The following NAALADL2 variants were observed in gnomAD, a reference collection of about 807,000 sequenced individuals.
NAALADL2 encodes the protein N-acetylated alpha-linked acidic dipeptidase like 2.
Under a neutral mutation model 87.2 loss-of-function variants are expected in NAALADL2, and 76 were observed. That is an observed-to-expected ratio of 0.87 (90% CI 0.72 to 1.05). NAALADL2 has a LOEUF of 1.05. NAALADL2 is among the 50% of genes least tolerant of loss of function. The pLI, the probability that NAALADL2 is intolerant of heterozygous loss-of-function variation, is 0.00. For missense variants in NAALADL2, 1,089 were observed against 945.8 expected (o/e 1.15, Z -1.99); for synonymous variants, 354 against 331.0 (o/e 1.07, Z -0.75).
At chr3:174,688,772 T>C (rs1728282748) in intron 2 of NAALADL2, among the ~76,000 whole-genome samples, 1 of 152,110 alleles carries the variant, frequency 6.6e-6, no homozygotes, top group Non-Finnish European at 1.5e-5. Flanking sequence ...ACTTATTATA[T>C]AAAGTCTTCT....
chr3:174,714,990 G>A (rs191737003), intron 2 of NAALADL2, among the ~76,000 whole-genome samples: 43 of 152,254 alleles, frequency 2.8e-4, no homozygotes, highest in Non-Finnish European at 5.0e-4. Flanking sequence ...CTAATTTATG[G>A]AGAGTTTTTA....
At chr3:175,624,481 T>C (rs1405921722) in intron 10 of NAALADL2, among the ~76,000 whole-genome samples, 1 of 152,078 alleles carries the variant, frequency 6.6e-6, no homozygotes, top group Non-Finnish European at 1.5e-5. Context: ...AAAATATTAA[T>C]TAAAGGCATT....
At position 175,323,029 on chromosome 3, in the gene NAALADL2, A is replaced by G. The variant is rs903499129; in HGVS notation, c.940-1146A>G. Among the ~76,000 whole-genome samples the G allele has an allele frequency of 4.6e-3, 692 of 150,862 alleles. 1 individual carries two copies. Among genetic ancestry groups the G allele is most frequent in the Middle Eastern group, 0.045 (13 of 292 alleles). ...CTATAAATCATGCTGCTATAAAGAC[A>G]CATGCACACGTATGTTTATTGCGGC... On this transcript the variant is annotated intron_variant, in intron 4 of 13. Transcript: ENST00000454872.
chr3:175,223,720 T>C (rs1466099777), intron 2 of NAALADL2, among the ~76,000 whole-genome samples: 2 of 152,158 alleles, frequency 1.3e-5, no homozygotes, highest in Admixed American at 1.3e-4. Flanking sequence ...TGTTTTGAAT[T>C]AAAAAGAAAG....
At chr3:175,512,549 G>A (rs1011398792) in intron 9 of NAALADL2, among the ~76,000 whole-genome samples, 1 of 152,058 alleles carries the variant, frequency 6.6e-6, no homozygotes, top group East Asian at 1.9e-4. Context: ...TAGAAAGAAA[G>A]AAATGAAAAC....
intron 11 of NAALADL2, among the ~76,000 whole-genome samples, chr3:175,673,604 T>C (rs1331643616): frequency 1.3e-5 from 2 of 152,062 alleles, no homozygotes; most frequent in African/African-American, 2.4e-5. Flanking sequence ...TTTTTTTCAA[T>C]TATAAGGTAT....
chr3:175,282,120 A>G, intron 4 of NAALADL2, among the ~76,000 whole-genome samples: 1 of 152,098 alleles, frequency 6.6e-6, no homozygotes, highest in East Asian at 1.9e-4. Flanking sequence ...AAATACTACC[A>G]GATAGTAAAA....
intron 2 of NAALADL2, among the ~76,000 whole-genome samples, chr3:175,122,095 T>C (rs1289606183): frequency 6.6e-6 from 1 of 151,856 alleles, no homozygotes; most frequent in Non-Finnish European, 1.5e-5. Context: ...GGTGAATAGG[T>C]GGAACATACC....
At chr3:175,650,214 T>A (rs544720886) in intron 11 of NAALADL2, among the ~76,000 whole-genome samples, 1 of 152,248 alleles carries the variant, frequency 6.6e-6, no homozygotes, top group East Asian at 1.9e-4. Context: ...AGAAACCAGA[T>A]GCAAAAGGTG....
chr3:174,500,774 T>C (rs1718829712), intron 1 of NAALADL2, among the ~76,000 whole-genome samples: 1 of 152,198 alleles, frequency 6.6e-6, no homozygotes, highest in Admixed American at 6.5e-5. Flanking sequence ...TATTGATTAC[T>C]TTTTAAATGT....
At chr3:175,567,718 C>CTTT (rs536353071) in intron 9 of NAALADL2, among the ~76,000 whole-genome samples, 19 of 138,168 alleles carry the variant, frequency 1.4e-4, no homozygotes, top group African/African-American at 4.3e-4. Context: ...TTTTTCTTTT[C>CTTT]TTTTTTTTTT....
At chr3:174,900,701 C>A (rs1732198434) in intron 1 of NAALADL2, among the ~76,000 whole-genome samples, 1 of 151,310 alleles carries the variant, frequency 6.6e-6, no homozygotes, top group African/African-American at 2.4e-5. Context: ...AGAAAAAAAA[C>A]ATAAAAATAA....
At chr3:175,280,304 G>A (rs1456493107) in intron 4 of NAALADL2, among the ~76,000 whole-genome samples, 1 of 151,840 alleles carries the variant, frequency 6.6e-6, no homozygotes, top group African/African-American at 2.4e-5. Flanking sequence ...TTAAAATAAA[G>A]TCTATTTTGA....
chr3:174,978,107 G>A (rs930603802), intron 1 of NAALADL2, among the ~76,000 whole-genome samples: 3 of 152,204 alleles, frequency 2.0e-5, no homozygotes, highest in African/African-American at 7.2e-5. Context: ...AATAAACTCA[G>A]ACAAGGACAC....
intron 1 of NAALADL2, among the ~76,000 whole-genome samples, chr3:175,014,619 A>G (rs761099084): frequency 3.3e-5 from 5 of 152,186 alleles, no homozygotes; most frequent in Non-Finnish European, 5.9e-5. Flanking sequence ...CTATAATTAA[A>G]TGTGGGTAAA....
At chr3:175,221,406 T>C (rs966429426) in intron 2 of NAALADL2, among the ~76,000 whole-genome samples, 2 of 152,136 alleles carry the variant, frequency 1.3e-5, no homozygotes, top group Admixed American at 6.6e-5. Context: ...TGGCCTAGCA[T>C]ATAGGCAATT....
intron 1 of NAALADL2, among the ~76,000 whole-genome samples, chr3:174,963,734 A>G (rs1206342593): frequency 5.3e-5 from 8 of 152,178 alleles, no homozygotes; most frequent in Admixed American, 3.9e-4. Context: ...AAAATGTTAG[A>G]CAACTGAAAA....
chr3:175,803,276 G>A lies in NAALADL2; in HGVS notation c.*73G>A. The A allele has an allele frequency of 9.3e-7, 1 of 1,070,800 alleles. No individual in the cohort carries two copies. The highest frequency in any genetic ancestry group is 1.3e-6 in the Non-Finnish European group (1 of 755,036). The allele number at this position is 1,070,800 out of a possible 1,614,324, so 66.3% of individuals were successfully genotyped here. The stretch of plus-strand genomic sequence containing the variant: ...AAGCTCTAATTTAACCAGATTTTCT[G>A]ACATTGAAGGCTTATTTTCCCCAAT... On this transcript the variant is annotated 3_prime_UTR_variant, in exon 14 of 14. Transcript: ENST00000454872.
chr3:175,193,921 C>T (rs545510985), intron 2 of NAALADL2, among the ~76,000 whole-genome samples: 110 of 151,850 alleles, frequency 7.2e-4, no homozygotes, highest in Non-Finnish European at 1.2e-3. Flanking sequence ...AAACATAATA[C>T]CATTAGGACT....
Sources: allele counts gnomAD v4.1 joint callset (sites outside exome capture counted in the v4.1 genomes callset), GRCh38; gene constraint gnomAD v4.1.1; transcripts MANE v1.5; gene names NCBI Gene and HGNC (gene_info 2026-07-23, HGNC 2026-07-21).